The following RGS6 variants were observed in gnomAD, a reference collection of about 807,000 sequenced individuals.
RGS6 encodes regulator of G protein signaling 6.
Under a neutral mutation model 78.5 loss-of-function variants are expected in RGS6, and 30 were observed. The observed-to-expected ratio is 0.38, with a 90% CI of 0.29 to 0.52. RGS6 has a LOEUF of 0.52. Among genes scored for constraint, RGS6 ranks in the 20% least tolerant of loss-of-function variants. RGS6 has a pLI of 0.85. For missense variants in RGS6, 495 were observed against 609.7 expected (o/e 0.81, Z 1.98); for synonymous variants, 206 against 206.0 (o/e 1.00, Z 0.00).
At chr14:72,377,745 A>G (rs569905506) in intron 3 of RGS6, among the ~76,000 whole-genome samples, 79 of 152,158 alleles carry the variant, frequency 5.2e-4, no homozygotes, top group Non-Finnish European at 7.6e-4. Flanking sequence ...TGGGAAGACA[A>G]TGCAGGAGGA....
chr14:72,408,751 A>G (rs1417114163), intron 3 of RGS6, among the ~76,000 whole-genome samples: 2 of 152,230 alleles, frequency 1.3e-5, no homozygotes, highest in Non-Finnish European at 2.9e-5. Flanking sequence ...AGAAAAGGAC[A>G]TATTACATAA....
At chr14:72,467,171 T>C (rs1021032125) in intron 7 of RGS6, among the ~76,000 whole-genome samples, 2 of 152,132 alleles carry the variant, frequency 1.3e-5, no homozygotes, top group African/African-American at 4.8e-5. Flanking sequence ...TCCCCCAAAC[T>C]GAACTTTACA....
chr14:72,110,771 C>G (rs1175815350), intron 2 of RGS6, among the ~76,000 whole-genome samples: 1 of 152,186 alleles, frequency 6.6e-6, no homozygotes, highest in Non-Finnish European at 1.5e-5. Flanking sequence ...GTCTGATCTT[C>G]TATATTCATT....
At position 72,220,277 on chromosome 14, in the gene RGS6, A is replaced by G. The variant is rs189656688; in HGVS notation, c.85-131818A>G. Among the ~76,000 whole-genome samples, 321 of 151,948 alleles carry G rather than the reference A, an allele frequency of 2.1e-3. 1 individual carries two copies. The highest frequency in any genetic ancestry group is 3.6e-3 in the Admixed American group (55 of 15,260). On this transcript the variant is annotated intron_variant, in intron 2 of 17. Transcript: ENST00000553525. ...ATTCCACATGAATTTTTTTTTTCCC[A>G]TCTGAATTGTTCCTGGATCTACATT...
At chr14:72,242,597 G>A (rs1323371668) in intron 2 of RGS6, among the ~76,000 whole-genome samples, 1 of 152,048 alleles carries the variant, frequency 6.6e-6, no homozygotes, top group African/African-American at 2.4e-5. Flanking sequence ...TGCCGTTTTT[G>A]ACAGGTAAAT....
chr14:72,068,498 A>ATTTT lies in RGS6; in HGVS notation c.84+103637_84+103640dup, dbSNP rs11330539. On this transcript the variant is annotated intron_variant, in intron 2 of 17. Transcript: ENST00000553525. ...TCCGTCTCTCCCTCCCACTCTTCCT[A>ATTTT]TTTTTTTTTTTTTTTTTGAGACAGA... 9.4e-5 allele frequency among the ~76,000 whole-genome samples: 11 copies of ATTTT among 117,332 alleles called. 1 individual carries two copies. The highest frequency in any genetic ancestry group is 2.7e-4 in the South Asian group (1 of 3,642). 77.0% of individuals were successfully genotyped at this position (117,332 alleles called of 152,430 possible). A position where few individuals can be genotyped will look rare whatever the true frequency, so the allele number is the denominator to read the frequency against.
At chr14:72,071,426 T>C (rs149016794) in intron 2 of RGS6, among the ~76,000 whole-genome samples, 2 of 152,346 alleles carry the variant, frequency 1.3e-5, no homozygotes, top group Admixed American at 6.5e-5. Flanking sequence ...GGGGGTAGAA[T>C]TGATGATTCA....
chr14:72,228,865 C>A lies in RGS6; in HGVS notation c.85-123230C>A, dbSNP rs144054173. ...GTTCAAGACCAGCCTGGCCAGCTGA[C>A]CAAGATGGTAAAACTCCGTCTCTAC... On this transcript the variant is annotated intron_variant, in intron 2 of 17. Transcript: ENST00000553525. Among the ~76,000 whole-genome samples the A allele has an allele frequency of 1.6e-3, 250 of 152,254 alleles. 1 individual carries two copies. Among genetic ancestry groups the A allele is most frequent in the African/African-American group, 5.9e-3 (246 of 41,554 alleles).
intron 2 of RGS6, among the ~76,000 whole-genome samples, chr14:72,139,447 C>T (rs565910193): frequency 2.6e-5 from 4 of 152,276 alleles, no homozygotes; most frequent in East Asian, 1.9e-4. Flanking sequence ...TCTGCTCAGG[C>T]GGCTTGGAGA....
chr14:71,930,318 C>T (rs944519080), upstream of RGS6, among the ~76,000 whole-genome samples: 9 of 150,608 alleles, frequency 6.0e-5, no homozygotes, highest in African/African-American at 2.2e-4. Context: ...AATGTATTTA[C>T]TTCTTTGCTC....
At chr14:72,336,635 G>GA (rs1030981172) in intron 2 of RGS6, among the ~76,000 whole-genome samples, 2 of 152,040 alleles carry the variant, frequency 1.3e-5, no homozygotes, top group Non-Finnish European at 2.9e-5. Context: ...GAAAGAGTTG[G>GA]AAAAAAATAA....
chr14:72,355,961 G>C (rs2080180753), intron 3 of RGS6, among the ~76,000 whole-genome samples: 1 of 152,164 alleles, frequency 6.6e-6, no homozygotes, highest in African/African-American at 2.4e-5. Context: ...AGCCACGTGA[G>C]AATGGTGAGC....
chr14:72,629,660 G>A, the RGS6 span: 15 of 1,535,960 alleles, frequency 9.8e-6, no homozygotes, highest in African/African-American at 1.4e-5. Context: ...TACAGGATTT[G>A]CACTCTATGC....
intron 2 of RGS6, among the ~76,000 whole-genome samples, chr14:72,120,467 T>C (rs1186705558): frequency 2.0e-5 from 3 of 152,198 alleles, no homozygotes; most frequent in Non-Finnish European, 4.4e-5. Flanking sequence ...CCTGCCGTTT[T>C]AAAGATGAGT....
intron 2 of RGS6, among the ~76,000 whole-genome samples, chr14:72,120,723 A>G (rs2096026969): frequency 6.6e-6 from 1 of 152,218 alleles, no homozygotes; most frequent in Admixed American, 6.5e-5. Context: ...GATTTCATTT[A>G]TATGATACAC....
In RGS6 at chr14:72,016,847, T is replaced by C. The variant is rs573337004; in HGVS notation, c.84+51972T>C. 2.6e-5 allele frequency among the ~76,000 whole-genome samples: 4 copies of C among 152,368 alleles called. No individual in the cohort carries two copies. The South Asian group carries it at 8.3e-4, about 32-fold the overall frequency. On this transcript the variant is annotated intron_variant, in intron 2 of 17. Transcript: ENST00000553525. The stretch of plus-strand genomic sequence containing the variant: ...ATGTGGAAGCCCTATTGGGCTTTTG[T>C]TGGAATTACTCAGATGGTTTACAGA...
intron 2 of RGS6, among the ~76,000 whole-genome samples, chr14:72,224,197 T>G (rs1299056448): frequency 6.6e-6 from 1 of 152,140 alleles, no homozygotes; most frequent in East Asian, 1.9e-4. Context: ...GGTGGGCAGA[T>G]TGCTTGAGCT....
rs1598892596 is a variant in RGS6 at position 72,540,442 on chromosome 14, C to T, written c.1422+348C>T. The T allele has an allele frequency of 3.4e-6, 5 of 1,484,500 alleles. No homozygotes were observed. The South Asian group carries it at 4.1e-5, about 12-fold the overall frequency. 92.0% of individuals were successfully genotyped at this position (1,484,500 alleles called of 1,614,324 possible). A position where few individuals can be genotyped will look rare whatever the true frequency, so the allele number is the denominator to read the frequency against. ...TCTTCTGCAGCAGCTCAGGGAGAAG[C>T]CATCGAACTATACCGTGAAATAAAT... On this transcript the variant is annotated intron_variant, in intron 17 of 17. Transcript: ENST00000553525.
intron 1 of RGS6, among the ~76,000 whole-genome samples, chr14:71,942,213 A>G (rs1471831345): frequency 1.3e-5 from 2 of 152,228 alleles, no homozygotes; most frequent in Non-Finnish European, 2.9e-5. Flanking sequence ...TAAATTGAAC[A>G]TTAAACCTAA....
Sources: gnomAD v4.1 joint callset for allele counts (sites outside exome capture counted in the v4.1 genomes callset) on GRCh38, gnomAD v4.1.1 for gene constraint, MANE v1.5 for transcripts, NCBI Gene and HGNC (gene_info 2026-07-23, HGNC 2026-07-21) for gene names.